The following PDXDC1 variants were observed in gnomAD, a reference collection of about 807,000 sequenced individuals.
PDXDC1 encodes the protein pyridoxal dependent decarboxylase domain containing 1.
In PDXDC1, 42 loss-of-function variants were observed where a neutral mutation model predicts 100.1. The ratio of observed to expected loss-of-function variants is 0.42; its 90% CI spans 0.33 to 0.54. The LOEUF is 0.54. Among genes scored for constraint, PDXDC1 ranks in the 20% least tolerant of loss-of-function variants. The pLI, the probability that PDXDC1 is intolerant of heterozygous loss-of-function variation, is 0.10. For synonymous variants in PDXDC1, 260 were observed against 371.7 expected (o/e 0.70, Z 3.46); for missense variants, 636 against 979.2 (o/e 0.65, Z 4.68).
intron 12 of PDXDC1, among the ~76,000 whole-genome samples, chr16:15,019,536 G>A (rs1173185573): frequency 6.6e-6 from 1 of 152,284 alleles, no homozygotes; most frequent in Non-Finnish European, 1.5e-5. Flanking sequence ...ATAAACAACA[G>A]ACATTTATTG....
intron 16 of PDXDC1, chr16:15,133,464 G>A (rs1451247798): frequency 5.8e-6 from 5 of 864,596 alleles, no homozygotes; most frequent in Admixed American, 4.1e-5. Flanking sequence ...GCAGTCTCGG[G>A]GGCGCCCTCC....
intron 16 of PDXDC1, chr16:15,063,426 T>C: frequency 1.4e-6 from 1 of 718,468 alleles, no homozygotes; most frequent in Admixed American, 2.2e-5. Context: ...AAAAAAAACC[T>C]GGCTGGGTGC....
At chr16:15,000,878 T>G (rs1972993172) in intron 3 of PDXDC1, among the ~76,000 whole-genome samples, 1 of 150,050 alleles carries the variant, frequency 6.7e-6, no homozygotes, top group Non-Finnish European at 1.5e-5. Flanking sequence ...TATACTATAC[T>G]AAGGATGATT....
intron 1 of PDXDC1, among the ~76,000 whole-genome samples, chr16:14,991,082 A>G (rs1426638858): frequency 6.6e-6 from 1 of 152,264 alleles, no homozygotes. Flanking sequence ...ACGTTTACGT[A>G]AACTGCATGT....
intron 1 of PDXDC1, among the ~76,000 whole-genome samples, chr16:14,987,665 G>A (rs1338530878): frequency 6.6e-6 from 1 of 152,284 alleles, no homozygotes; most frequent in Non-Finnish European, 1.5e-5. Flanking sequence ...AGGCTGGAGT[G>A]CAGTGGCACC....
intron 21 of PDXDC1, 128 bp from the exon 22 acceptor site, chr16:15,035,321 C>G (rs2043345173): frequency 5.5e-6 from 3 of 543,496 alleles, no homozygotes; most frequent in Admixed American, 7.3e-5. Flanking sequence ...GCCCTTCTCT[C>G]CACCAGTCTG....
chr16:15,082,820 C>T (rs1391763496), intron 16 of PDXDC1, among the ~76,000 whole-genome samples: 4 of 152,232 alleles, frequency 2.6e-5, no homozygotes, highest in East Asian at 1.9e-4. Flanking sequence ...ATGATCTGAA[C>T]ATTGTACAAA....
At chr16:14,998,851 C>T (rs571125447) in intron 3 of PDXDC1, among the ~76,000 whole-genome samples, 1 of 152,392 alleles carries the variant, frequency 6.6e-6, no homozygotes, top group East Asian at 1.9e-4. Context: ...TGCAGTATAA[C>T]ATTAGAAAAC....
At chr16:15,106,210 TCTGCATCAG>T in intron 16 of PDXDC1, 1 of 707,300 alleles carries the variant, frequency 1.4e-6, no homozygotes, top group Non-Finnish European at 2.2e-6. Flanking sequence ...CGTGGCATCA[TCTGCATCAG>T]CACTGAACTA....
intron 16 of PDXDC1, among the ~76,000 whole-genome samples, chr16:15,055,233 C>T (rs571646294): frequency 1.3e-5 from 2 of 152,274 alleles, no homozygotes; most frequent in East Asian, 1.9e-4. Context: ...CCTGCATAAG[C>T]GTGGACAAGA....
At chr16:14,989,353 C>G (rs1360664428) in intron 1 of PDXDC1, 2 of 1,612,380 alleles carry the variant, frequency 1.2e-6, no homozygotes, top group Non-Finnish European at 1.7e-6. Flanking sequence ...AGGCGGTTCA[C>G]CAGCTTCTTG....
At chr16:15,022,845 T>C (rs2042309446) in intron 13 of PDXDC1, 91 bp downstream of exon 13, 1 of 1,072,290 alleles carries the variant, frequency 9.3e-7, no homozygotes, top group Non-Finnish European at 1.3e-6. Context: ...AATGATTTTC[T>C]CCACATTTCA....
At chr16:15,141,858 G>T (rs1433153876), downstream of PDXDC1, among the ~76,000 whole-genome samples, 1 of 152,196 alleles carries the variant, frequency 6.6e-6, no homozygotes, top group Non-Finnish European at 1.5e-5. Context: ...TGCCCGAGGG[G>T]GAACACTGTG....
chr16:15,104,550 G>A (rs188912643), intron 16 of PDXDC1: 2 of 1,580,130 alleles, frequency 1.3e-6, no homozygotes, highest in Non-Finnish European at 1.7e-6. Flanking sequence ...ACTCGGAGGT[G>A]TCTTGAGATT....
intron 16 of PDXDC1, chr16:15,135,069 G>C (rs919384347): frequency 8.0e-5 from 46 of 578,400 alleles, no homozygotes; most frequent in Non-Finnish European, 1.2e-4. Context: ...TTTGTCACTA[G>C]AGCATATGTG....
Position 14,998,375 on chromosome 16 carries a change from C to A in PDXDC1, c.131C>A (p.Ser44Tyr), listed in dbSNP as rs369615560. ...TEEENGKKLI[S>Y]GDIPGPLQGS... ...GAGGAAAATGGAAAGAAGCTCATAT[C>A]CGGAGATATTCCAGGCCCACTCCAG... is the stretch of plus-strand genomic sequence containing the variant. The change falls in exon 3 of 23, where the codon TCC becomes TAC. Residue 44 changes from serine (S) to tyrosine (Y), a missense_variant. Ser to Tyr is a moderately radical substitution (Grantham distance 144, BLOSUM62 -2). Coordinates refer to ENST00000396410, the MANE Select transcript of PDXDC1 (RefSeq NM_015027.4). 1.2e-6 allele frequency: 2 copies of A among 1,613,258 alleles called. No individual in the cohort carries two copies. The highest frequency in any genetic ancestry group is 2.7e-5 in the African/African-American group (2 of 74,914).
intron 16 of PDXDC1, among the ~76,000 whole-genome samples, chr16:15,122,939 G>A (rs2047510190): frequency 6.7e-6 from 1 of 150,172 alleles, no homozygotes; most frequent in East Asian, 2.0e-4. Flanking sequence ...AGAAGAAAGG[G>A]GTCTGGGAAA....
intron 17 of PDXDC1, chr16:15,032,653 T>TAA (rs377361206): frequency 3.9e-4 from 84 of 216,270 alleles, no homozygotes; most frequent in East Asian, 5.3e-4. Context: ...GACCCTGCTT[T>TAA]AAAAAAAAAA....
At chr16:15,049,295 C>T (rs1448481071) in intron 16 of PDXDC1, among the ~76,000 whole-genome samples, 1 of 152,180 alleles carries the variant, frequency 6.6e-6, no homozygotes, top group Non-Finnish European at 1.5e-5. Flanking sequence ...TCCTACAGTG[C>T]TGGGATTACA....
Sources: allele counts gnomAD v4.1 joint callset (sites outside exome capture counted in the v4.1 genomes callset), GRCh38; gene constraint gnomAD v4.1.1; transcripts MANE v1.5; gene names NCBI Gene and HGNC (gene_info 2026-07-23, HGNC 2026-07-21).